Variants in PDE6A observed in about 807,000 individuals in gnomAD.
PDE6A encodes the protein rod cGMP-specific 3',5'-cyclic phosphodiesterase subunit alpha.
Under a neutral mutation model 106.3 loss-of-function variants are expected in PDE6A, and 84 were observed. That is an observed-to-expected ratio of 0.79 (90% CI 0.66 to 0.95). PDE6A has a LOEUF of 0.95. PDE6A is among the 40% of genes least tolerant of loss of function. PDE6A has a pLI of 0.00. For missense variants in PDE6A, 1,052 were observed against 1,084.9 expected (o/e 0.97, Z 0.43); for synonymous variants, 394 against 386.6 (o/e 1.02, Z -0.23).
intron 9 of PDE6A, among the ~76,000 whole-genome samples, chr5:149,899,056 A>G (rs1214886419): frequency 1.3e-5 from 2 of 152,110 alleles, no homozygotes; most frequent in East Asian, 3.9e-4. Context: ...TTGTAGAAAT[A>G]GGATATTGCC....
At chr5:149,875,400 T>C (rs1019004546) in intron 17 of PDE6A, among the ~76,000 whole-genome samples, 2 of 152,194 alleles carry the variant, frequency 1.3e-5, no homozygotes, top group African/African-American at 2.4e-5. Context: ...TGCTACCTTC[T>C]TGCACATTTT....
chr5:149,942,662 A>G (rs1197975606), intron 1 of PDE6A, among the ~76,000 whole-genome samples: 2 of 151,948 alleles, frequency 1.3e-5, no homozygotes, highest in African/African-American at 2.4e-5. Context: ...TTTATTGATC[A>G]CTATCTCTAC....
intron 17 of PDE6A, among the ~76,000 whole-genome samples, chr5:149,876,282 A>G (rs1001877531): frequency 2.7e-5 from 4 of 150,226 alleles, no homozygotes; most frequent in Non-Finnish European, 5.9e-5. Context: ...GTATTGGTTT[A>G]TGAATGAATA....
In PDE6A at chr5:149,884,554, T is replaced by C. The variant is rs149380104; in HGVS notation, c.1952A>G (p.Asn651Ser). ...GATGGCATGCTCATGCTGTCGACGA[T>C]TGAGGTTTTGAAAGATATTCAGGCT... is the stretch of plus-strand genomic sequence containing the variant. ...DESLNIFQNL[N>S]RRQHEHAIHM... Residue 651 changes from asparagine to serine, a missense_variant, in exon 16 of 22, where the codon AAT becomes AGT. Coordinates refer to ENST00000255266, the MANE Select transcript of PDE6A (RefSeq NM_000440.3). 1,209 of 1,613,662 alleles carry C rather than the reference T, an allele frequency of 7.5e-4. 6 individuals are homozygous for C. Among genetic ancestry groups the C allele is most frequent in the South Asian group, 6.8e-3 (622 of 91,058 alleles).
chr5:149,934,144 T>G (rs1754121094), intron 2 of PDE6A, 125 bp from the exon 3 acceptor site: 2 of 703,548 alleles, frequency 2.8e-6, no homozygotes, highest in African/African-American at 3.5e-5. Flanking sequence ...GGCAGATGGA[T>G]CCTAGAATGC....
At chr5:149,885,363 G>A (rs1017269804) in intron 14 of PDE6A, among the ~76,000 whole-genome samples, 1 of 152,304 alleles carries the variant, frequency 6.6e-6, no homozygotes, top group African/African-American at 2.4e-5. Flanking sequence ...GGCCCTGAGC[G>A]GAGACTCAGT....
chr5:149,901,528 C>CA (rs1171336885), intron 8 of PDE6A, among the ~76,000 whole-genome samples: 1 of 151,836 alleles, frequency 6.6e-6, no homozygotes, highest in Non-Finnish European at 1.5e-5. Flanking sequence ...AACTCCATCT[C>CA]AAAAAAACAA....
intron 5 of PDE6A, among the ~76,000 whole-genome samples, chr5:149,918,407 A>C (rs1753616621): frequency 6.6e-6 from 1 of 152,172 alleles, no homozygotes; most frequent in African/African-American, 2.4e-5. Context: ...TGGTGGTGGA[A>C]TACGTATACT....
intron 17 of PDE6A, among the ~76,000 whole-genome samples, chr5:149,874,745 T>C (rs1223146749): frequency 6.6e-6 from 1 of 152,110 alleles, no homozygotes; most frequent in African/African-American, 2.4e-5. Context: ...CCAAGAGTCA[T>C]CCCATCAGAA....
At chr5:149,867,550 G>T in intron 19 of PDE6A, 175 bp downstream of exon 19, 1 of 687,316 alleles carries the variant, frequency 1.5e-6, no homozygotes, top group Non-Finnish European at 2.6e-6. Flanking sequence ...TACCTAACAT[G>T]TTCTCAAGTA....
chr5:149,906,778 T>A (rs946099901), intron 7 of PDE6A, among the ~76,000 whole-genome samples: 1 of 152,034 alleles, frequency 6.6e-6, no homozygotes, highest in African/African-American at 2.4e-5. Flanking sequence ...TTATTTATTA[T>A]TATTTTTTTT....
intron 4 of PDE6A, among the ~76,000 whole-genome samples, chr5:149,927,180 A>T (rs1358551170): frequency 6.6e-6 from 1 of 152,144 alleles, no homozygotes; most frequent in Non-Finnish European, 1.5e-5. Context: ...ATAGCTAAAC[A>T]TAAAAAACAC....
intron 7 of PDE6A, among the ~76,000 whole-genome samples, chr5:149,904,311 C>T (rs141221441): frequency 1.1e-3 from 174 of 152,250 alleles, no homozygotes; most frequent in African/African-American, 3.8e-3. Context: ...TTTTCCTTTG[C>T]GTATAAACCC....
rs1364892011 is a variant in PDE6A at position 149,868,121 on chromosome 5, T to C, written c.2173A>G (p.Thr725Ala). 1 of 1,614,030 alleles carries C rather than the reference T, an allele frequency of 6.2e-7. No individual in the cohort carries two copies. The highest frequency in any genetic ancestry group is 1.3e-5 in the African/African-American group (1 of 74,908). The change falls in exon 18 of 22, where the codon ACC becomes GCC. Residue 725 changes from threonine (T) to alanine (A), a missense_variant. This residue lies in a region of PDE6A where 913 missense variants were observed against 915.2 expected (regional missense o/e 1.00). Coordinates refer to ENST00000255266, the MANE Select transcript of PDE6A (RefSeq NM_000440.3). ...TGGCTCTGCACCTCCCAGGGTTTGG[T>C]GATGGCTGAGAGATCACAGGCGGTC... The part of the protein sequence containing the change: ...MMTACDLSAI[T>A]KPWEVQSQVA...
In PDE6A at chr5:149,886,312, G is replaced by A. The variant is rs61733360; in HGVS notation, c.1791C>T (p.Phe597=). The A allele has an allele frequency of 0.041, 66,595 of 1,614,000 alleles. 1,686 individuals are homozygous for A. The highest frequency in any genetic ancestry group is 0.1 in the Admixed American group (6,081 of 60,028). The change falls in exon 14 of 22, where the codon TTC becomes TTT. Residue 597 remains phenylalanine (F), a synonymous_variant. Coordinates refer to ENST00000255266, the MANE Select transcript of PDE6A (RefSeq NM_000440.3). ...LEALAMVTAA[F]CHDIDHRGTN... ...TGCCTCTGTGGTCAATGTCATGGCA[G>A]AAAGCAGCAGTGACCATGGCCAAGG...
At chr5:149,940,750 G>A (rs538188224) in intron 1 of PDE6A, among the ~76,000 whole-genome samples, 9 of 152,090 alleles carry the variant, frequency 5.9e-5, no homozygotes, top group African/African-American at 1.2e-4. Context: ...TGCCTGCCTC[G>A]GCCTCCCAAA....
intron 20 of PDE6A, 34 bp downstream of exon 20, chr5:149,866,136 C>T: frequency 2.7e-6 from 4 of 1,464,316 alleles, no homozygotes; most frequent in Non-Finnish European, 3.8e-6. Flanking sequence ...TTATCAAAGA[C>T]ATCTTGTTGC....
chr5:149,874,159 TG>T (rs1449302740), intron 17 of PDE6A, among the ~76,000 whole-genome samples: 1 of 152,102 alleles, frequency 6.6e-6, no homozygotes, highest in African/African-American at 2.4e-5. Context: ...TGACACCAAC[TG>T]GGTGTCTTAC....
intron 5 of PDE6A, among the ~76,000 whole-genome samples, chr5:149,918,182 G>A (rs1753609334): frequency 6.6e-6 from 1 of 152,192 alleles, no homozygotes; most frequent in African/African-American, 2.4e-5. Context: ...GTGGGTAAAA[G>A]CATTTTTTGC....
Sources: gnomAD v4.1 joint callset for allele counts (sites outside exome capture counted in the v4.1 genomes callset) on GRCh38, gnomAD v4.1.1 for gene constraint, gnomAD v4.1.1 regional missense constraint, MANE v1.5 for transcripts, NCBI Gene and HGNC (gene_info 2026-07-23, HGNC 2026-07-21) for gene names.